Variants in TNFRSF21 observed in about 807,000 individuals in gnomAD.
TNFRSF21 encodes TNF receptor superfamily member 21.
Under a neutral mutation model 45.6 loss-of-function variants are expected in TNFRSF21, and 19 were observed. The observed-to-expected ratio is 0.42, with a 90% CI of 0.29 to 0.61. TNFRSF21 has a LOEUF of 0.61. Ranked by LOEUF, TNFRSF21 falls within the 20% of genes least tolerant of loss-of-function variation. The pLI, the probability that TNFRSF21 is intolerant of heterozygous loss-of-function variation, is 0.23. For synonymous variants in TNFRSF21, 314 were observed against 335.5 expected, an observed-to-expected ratio of 0.94 and a Z score of 0.70; for missense variants, 737 against 851.5, an observed-to-expected ratio of 0.87 and a Z score of 1.67.
intron 3 of TNFRSF21, among the ~76,000 whole-genome samples, chr6:47,257,659 G>A (rs528204345): frequency 1.3e-5 from 2 of 152,322 alleles, no homozygotes; most frequent in East Asian, 3.9e-4. Context: ...GCACAGAAGG[G>A]ATTTCAAAGG....
intron 4 of TNFRSF21, among the ~76,000 whole-genome samples, chr6:47,239,168 C>A (rs1764708212): frequency 6.6e-6 from 1 of 151,862 alleles, no homozygotes; most frequent in African/African-American, 2.4e-5. Context: ...TGCCTGTAAT[C>A]CCAGCTGCTC....
intron 3 of TNFRSF21, among the ~76,000 whole-genome samples, chr6:47,278,287 A>C (rs1205498023): frequency 6.6e-6 from 1 of 152,152 alleles, no homozygotes; most frequent in East Asian, 1.9e-4. Flanking sequence ...AACCAATCCA[A>C]TGTCTTTAAA....
chr6:47,267,085 CTTTTTTCT>C (rs1232149864), intron 3 of TNFRSF21, among the ~76,000 whole-genome samples: 2 of 96,422 alleles, frequency 2.1e-5, no homozygotes, highest in African/African-American at 1.3e-4. Flanking sequence ...GTCTGATTTT[CTTTTTTCT>C]TTTTTTTTTT....
At chr6:47,297,510 C>CTTTTTTTTTTTTT (rs55690288) in intron 1 of TNFRSF21, among the ~76,000 whole-genome samples, 69 of 117,442 alleles carry the variant, frequency 5.9e-4, no homozygotes, top group East Asian at 8.0e-4. Context: ...TCTCTTTTTA[C>CTTTTTTTTTTTTT]TTTTTTTTTT....
intron 3 of TNFRSF21, among the ~76,000 whole-genome samples, chr6:47,278,400 C>T (rs1385623923): frequency 6.6e-6 from 1 of 152,214 alleles, no homozygotes; most frequent in Admixed American, 6.5e-5. Flanking sequence ...TGTCCTTTAT[C>T]TGTCCTATCC....
In TNFRSF21 at chr6:47,232,055, G is replaced by A. The variant is rs916658374; in HGVS notation, c.*710C>T. 5 of 152,468 alleles carry A rather than the reference G, an allele frequency of 3.3e-5. No homozygotes were observed. The highest frequency in any genetic ancestry group is 1.2e-4 in the African/African-American group (5 of 41,434). The allele number at this position is 152,468 out of a possible 1,614,324, so 9.4% of individuals were successfully genotyped here. A position where few individuals can be genotyped will look rare whatever the true frequency, so the allele number is the denominator to read the frequency against. ...AGCCCAGAGCATATTAGCATAAGAAGAGTACAAGTAATCAAGCATTCTACA... is the reference window on the plus strand; with the variant it reads ...AGCCCAGAGCATATTAGCATAAGAAAAGTACAAGTAATCAAGCATTCTACA... On this transcript the variant is annotated 3_prime_UTR_variant, in exon 6 of 6. Coordinates refer to ENST00000296861, the MANE Select transcript of TNFRSF21 (RefSeq NM_014452.5).
At chr6:47,243,984 A>ATAGG in intron 4 of TNFRSF21, among the ~76,000 whole-genome samples, 2 of 152,316 alleles carry the variant, frequency 1.3e-5, no homozygotes, top group Admixed American at 1.3e-4. Flanking sequence ...ATGTGGAATT[A>ATAGG]TAGGTCTCCA....
rs759746802 is a variant in TNFRSF21 at position 47,234,798 on chromosome 6, G to A, written c.1610C>T (p.Thr537Met). 1.3e-6 allele frequency: 2 copies of A among 1,583,630 alleles called. No individual in the cohort carries two copies. Among genetic ancestry groups the A allele is most frequent in the Non-Finnish European group, 8.6e-7 (1 of 1,167,710 alleles). The change falls in exon 5 of 6, where the codon ACG becomes ATG. Residue 537 changes from threonine to methionine, a missense_variant. By Grantham distance (81) the Thr-to-Met change is moderately conservative (BLOSUM62 -1). Transcript: ENST00000296861. ...CTTGTCCTGTGGGGAAGGCTCCACC[G>A]TCAGGAGAGCGGAATTCTCAAGTTT... ...NAKLENSALL[T>M]VEPSPQDKNK... is the part of the protein sequence containing the mutation.
chr6:47,237,427 C>A (rs940166735), intron 4 of TNFRSF21, among the ~76,000 whole-genome samples: 1 of 152,092 alleles, frequency 6.6e-6, no homozygotes, highest in Non-Finnish European at 1.5e-5. Context: ...AGTGAGTCAT[C>A]GGAATATGTG....
chr6:47,253,733 G>C (rs929736736), intron 3 of TNFRSF21, among the ~76,000 whole-genome samples: 4 of 152,170 alleles, frequency 2.6e-5, no homozygotes, highest in Non-Finnish European at 5.9e-5. Context: ...CCTGAGTGTG[G>C]AACCAGAAGA....
intron 4 of TNFRSF21, among the ~76,000 whole-genome samples, chr6:47,242,294 A>C (rs1764755835): frequency 6.6e-6 from 1 of 152,172 alleles, no homozygotes; most frequent in Admixed American, 6.5e-5. Flanking sequence ...TTTCAACTGC[A>C]ACCTTACTTA....
At chr6:47,309,127 G>A (rs2113873621) in intron 1 of TNFRSF21, among the ~76,000 whole-genome samples, 1 of 152,332 alleles carries the variant, frequency 6.6e-6, no homozygotes, top group East Asian at 1.9e-4. Context: ...GCCCTCAAAT[G>A]CGCAGAAGCT....
chr6:47,296,545 G>A (rs949534887), intron 1 of TNFRSF21, among the ~76,000 whole-genome samples: 2 of 152,178 alleles, frequency 1.3e-5, no homozygotes, highest in Non-Finnish European at 2.9e-5. Flanking sequence ...AGGTATGATG[G>A]AAGGGTTGGG....
intron 3 of TNFRSF21, among the ~76,000 whole-genome samples, chr6:47,261,412 T>C (rs1369617130): frequency 6.6e-6 from 1 of 152,224 alleles, no homozygotes; most frequent in Admixed American, 6.5e-5. Flanking sequence ...AGTCTTTTTT[T>C]GTCATCCCTG....
Position 47,286,542 on chromosome 6 carries a change from G to A in TNFRSF21, c.150C>T (p.Leu50=), listed in dbSNP as rs377551384. The A allele has an allele frequency of 6.2e-7, 1 of 1,612,974 alleles. No individual in the cohort carries two copies. ...TAQPEQKASN[L]IGTYRHVDRA... is the part of the protein sequence containing the mutation. Reference sequence around the variant, plus strand: ...GGTCAACATGGCGGTATGTGCCAATGAGATTCGAGGCCTTCTGTTCTGGCT... The same window carrying A: ...GGTCAACATGGCGGTATGTGCCAATAAGATTCGAGGCCTTCTGTTCTGGCT... Residue 50 remains leucine, a synonymous_variant, in exon 2 of 6, where the codon CTC becomes CTT. Coordinates refer to ENST00000296861, the MANE Select transcript of TNFRSF21 (RefSeq NM_014452.5).
intron 4 of TNFRSF21, among the ~76,000 whole-genome samples, chr6:47,251,212 A>C (rs114063928): frequency 4.0e-4 from 61 of 152,358 alleles, no homozygotes; most frequent in African/African-American, 1.4e-3. Context: ...GCTGGATCCA[A>C]AACGCTGCTA....
chr6:47,294,342 C>T (rs530066446), intron 1 of TNFRSF21, among the ~76,000 whole-genome samples: 2 of 152,184 alleles, frequency 1.3e-5, no homozygotes, highest in African/African-American at 2.4e-5. Context: ...CAGGGTTTCA[C>T]CATGTTGGCC....
chr6:47,251,595 T>C (rs1764902489), intron 4 of TNFRSF21, among the ~76,000 whole-genome samples: 1 of 152,206 alleles, frequency 6.6e-6, no homozygotes, highest in African/African-American at 2.4e-5. Context: ...GCATCAGTCA[T>C]ATGTTATCTT....
At chr6:47,262,598 G>A (rs1328398151) in intron 3 of TNFRSF21, among the ~76,000 whole-genome samples, 1 of 152,196 alleles carries the variant, frequency 6.6e-6, no homozygotes, top group East Asian at 1.9e-4. Flanking sequence ...GGATAGGGTA[G>A]GAGGTGATGA....
Sources: gnomAD v4.1 joint callset for allele counts (sites outside exome capture counted in the v4.1 genomes callset) on GRCh38, gnomAD v4.1.1 for gene constraint, MANE v1.5 for transcripts, NCBI Gene and HGNC (gene_info 2026-07-23, HGNC 2026-07-21) for gene names.